The following KCNH1 variants were observed in gnomAD, a reference collection of about 807,000 sequenced individuals.
The protein encoded by KCNH1 is voltage-gated delayed rectifier potassium channel KCNH1.
A neutral mutation model predicts 69.2 loss-of-function variants in KCNH1; 27 were observed. The ratio of observed to expected loss-of-function variants is 0.39; its 90% CI spans 0.29 to 0.54. The LOEUF (loss-of-function observed/expected upper bound fraction) is 0.54, where lower values mean the gene tolerates loss of function less well. KCNH1 is among the 20% of genes least tolerant of loss of function. The pLI is 0.68. For missense variants in KCNH1, 798 were observed against 1,261.6 expected (o/e 0.63, Z 5.57); for synonymous variants, 456 against 487.7 (o/e 0.93, Z 0.86).
At chr1:211,094,576 C>T (rs570743920) in intron 3 of KCNH1, among the ~76,000 whole-genome samples, 16 of 152,362 alleles carry the variant, frequency 1.1e-4, no homozygotes, top group African/African-American at 3.1e-4. Flanking sequence ...GTCTTACCAC[C>T]GGGCACCCCT....
Position 210,732,364 on chromosome 1 carries a change from AGAAAG to A in KCNH1, c.2112+42979_2112+42983del, listed in dbSNP as rs201515497. ...TACCTGGGAGATAGTGGGTCAGACA[AGAAAG>A]GAATACAATTCATGTACAAGTTCCA... is the stretch of plus-strand genomic sequence containing the variant. On this transcript the variant is annotated intron_variant, in intron 10 of 10. Coordinates refer to ENST00000271751, the MANE Select transcript of KCNH1 (RefSeq NM_172362.3). Among the ~76,000 whole-genome samples, 331 of 152,202 alleles carry A rather than the reference AGAAAG, an allele frequency of 2.2e-3. 10 individuals carry two copies. Among genetic ancestry groups the A allele is most frequent in the Admixed American group, 0.019 (284 of 15,288 alleles).
intron 7 of KCNH1, among the ~76,000 whole-genome samples, chr1:210,833,285 G>A (rs1685203383): frequency 6.6e-6 from 1 of 152,114 alleles, no homozygotes; most frequent in Admixed American, 6.6e-5. Context: ...TAGACTAAAA[G>A]TTTGTGTCCC....
chr1:211,090,014 C>A (rs1046585244), intron 4 of KCNH1, among the ~76,000 whole-genome samples: 2 of 152,202 alleles, frequency 1.3e-5, no homozygotes, highest in Non-Finnish European at 2.9e-5. Context: ...AATCTGTGAT[C>A]ACACAACTGT....
chr1:210,742,032 C>T (rs1261003919), intron 10 of KCNH1, among the ~76,000 whole-genome samples: 2 of 152,130 alleles, frequency 1.3e-5, no homozygotes, highest in African/African-American at 4.8e-5. Flanking sequence ...GGGTGAGCTG[C>T]CAGGCTGAGT....
intron 3 of KCNH1, among the ~76,000 whole-genome samples, chr1:211,092,289 A>G (rs1055939102): frequency 3.9e-5 from 6 of 152,230 alleles, no homozygotes; most frequent in African/African-American, 1.4e-4. Context: ...GACAACTCTG[A>G]TTAACATTAG....
At chr1:210,982,718 C>G (rs910196228) in intron 6 of KCNH1, among the ~76,000 whole-genome samples, 1 of 152,038 alleles carries the variant, frequency 6.6e-6, no homozygotes, top group Non-Finnish European at 1.5e-5. Flanking sequence ...TGAATAGTGC[C>G]GCAATAAACA....
intron 6 of KCNH1, among the ~76,000 whole-genome samples, chr1:210,946,112 A>C (rs1387689565): frequency 6.6e-6 from 1 of 152,230 alleles, no homozygotes; most frequent in East Asian, 1.9e-4. Context: ...AAACTTTTAC[A>C]TGAATATTAT....
chr1:211,105,807 C>G (rs944352188), intron 2 of KCNH1, among the ~76,000 whole-genome samples: 8 of 152,030 alleles, frequency 5.3e-5, no homozygotes, highest in Admixed American at 2.0e-4. Context: ...CTATAAATAC[C>G]TAAGAGGATA....
chr1:210,864,354 C>T (rs1198621554), intron 7 of KCNH1, among the ~76,000 whole-genome samples: 1 of 152,198 alleles, frequency 6.6e-6, no homozygotes, highest in Non-Finnish European at 1.5e-5. Flanking sequence ...CACTATGCAG[C>T]TCCAGGTCCC....
At chr1:210,966,241 G>A (rs775756491) in intron 6 of KCNH1, among the ~76,000 whole-genome samples, 14 of 152,128 alleles carry the variant, frequency 9.2e-5, no homozygotes, top group South Asian at 2.1e-4. Context: ...ACTCGAGATG[G>A]ATTAAAGACT....
chr1:210,911,394 T>C (rs1375838314), intron 7 of KCNH1, among the ~76,000 whole-genome samples: 2 of 152,122 alleles, frequency 1.3e-5, no homozygotes, highest in Admixed American at 1.3e-4. Flanking sequence ...TCCTTCTTTT[T>C]TAAAAATATA....
intron 7 of KCNH1, among the ~76,000 whole-genome samples, chr1:210,864,050 T>C (rs1686047777): frequency 6.6e-6 from 1 of 152,210 alleles, no homozygotes; most frequent in African/African-American, 2.4e-5. Context: ...CCAGACAGCC[T>C]CATGAGTTCA....
chr1:210,966,155 T>A (rs1455784960), intron 6 of KCNH1, among the ~76,000 whole-genome samples: 1 of 152,106 alleles, frequency 6.6e-6, no homozygotes, highest in South Asian at 2.1e-4. Context: ...ATTTAACAAA[T>A]GGTATTGGGA....
chr1:210,763,780 G>A (rs1031124763), intron 10 of KCNH1, among the ~76,000 whole-genome samples: 4 of 152,238 alleles, frequency 2.6e-5, no homozygotes, highest in African/African-American at 9.6e-5. Flanking sequence ...TCATTAAAAT[G>A]TGCATACTTC....
intron 7 of KCNH1, among the ~76,000 whole-genome samples, chr1:210,818,072 T>G (rs757728907): frequency 2.6e-5 from 4 of 152,108 alleles, no homozygotes; most frequent in Non-Finnish European, 5.9e-5. Flanking sequence ...TGCTTTTCCT[T>G]GAGTAAACAA....
intron 1 of KCNH1, among the ~76,000 whole-genome samples, chr1:211,116,373 A>C (rs139966963): frequency 3.9e-5 from 6 of 152,158 alleles, no homozygotes. Flanking sequence ...CAGAGCCACA[A>C]CTTGCAAATT....
chr1:210,731,157 G>A (rs1558444644), intron 10 of KCNH1, among the ~76,000 whole-genome samples: 1 of 152,210 alleles, frequency 6.6e-6, no homozygotes, highest in African/African-American at 2.4e-5. Flanking sequence ...AAGCAGAAAT[G>A]ATGCTGAAAT....
chr1:211,015,334 G>A (rs1319353144), intron 6 of KCNH1, among the ~76,000 whole-genome samples: 1 of 152,196 alleles, frequency 6.6e-6, no homozygotes, highest in African/African-American at 2.4e-5. Context: ...ATAGAGAAGA[G>A]TCAGAAGGGA....
intron 6 of KCNH1, among the ~76,000 whole-genome samples, chr1:210,973,385 CAAAG>C (rs1259389027): frequency 1.3e-5 from 2 of 152,126 alleles, no homozygotes; most frequent in Non-Finnish European, 2.9e-5. Context: ...TCAAGGTCAA[CAAAG>C]ACTCTTTCTC....
Sources: gnomAD v4.1 joint callset for allele counts (sites outside exome capture counted in the v4.1 genomes callset) on GRCh38, gnomAD v4.1.1 for gene constraint, MANE v1.5 for transcripts, NCBI Gene and HGNC (gene_info 2026-07-23, HGNC 2026-07-21) for gene names.